Variants in JAKMIP1 observed in about 807,000 individuals in gnomAD.
JAKMIP1 encodes janus kinase and microtubule-interacting protein 1.
Under a neutral mutation model 113.0 loss-of-function variants are expected in JAKMIP1, and 33 were observed. The observed-to-expected ratio is 0.29, with a 90% CI of 0.22 to 0.39. The LOEUF (loss-of-function observed/expected upper bound fraction) is 0.39. JAKMIP1 is among the 10% of genes least tolerant of loss of function. JAKMIP1 has a pLI of 1.00. For missense variants in JAKMIP1, 813 were observed against 1,080.5 expected, an observed-to-expected ratio of 0.75 and a Z score of 3.47; for synonymous variants, 480 against 459.9, an observed-to-expected ratio of 1.04 and a Z score of -0.56.
chr4:6,033,786 T>G (rs532586517), intron 19 of JAKMIP1, among the ~76,000 whole-genome samples: 1 of 152,282 alleles, frequency 6.6e-6, no homozygotes, highest in South Asian at 2.1e-4. Flanking sequence ...GAATTCCTTC[T>G]CTTTGGGAAA....
rs1340720972 is a variant in JAKMIP1, at chr4:6,141,194, G to A, written c.-147-28197C>T. On this transcript the variant is annotated intron_variant, in intron 1 of 20. Transcript: ENST00000409021. The surrounding 1 kb of genome is among the most constrained non-coding windows in gnomAD (Gnocchi z 9.4). Reference sequence around the variant, plus strand: ...CTCATGCCTGTAATCCCAACACTTTGGGATGCTGAGGCAGGCAGATCACTT... The same window carrying A: ...CTCATGCCTGTAATCCCAACACTTTAGGATGCTGAGGCAGGCAGATCACTT... Among the ~76,000 whole-genome samples, 1 of 152,192 alleles carries A rather than the reference G, an allele frequency of 6.6e-6. No individual in the cohort carries two copies. The highest frequency in any genetic ancestry group is 2.1e-4 in the South Asian group (1 of 4,828).
At chr4:6,198,953 G>A (rs1042594625) in intron 1 of JAKMIP1, among the ~76,000 whole-genome samples, 11 of 152,210 alleles carry the variant, frequency 7.2e-5, no homozygotes, top group African/African-American at 2.7e-4. Flanking sequence ...CCTGGGAGAG[G>A]GGCTGAGGCT....
chr4:6,110,854 G>A (rs920732401), intron 2 of JAKMIP1, among the ~76,000 whole-genome samples: 1 of 150,940 alleles, frequency 6.6e-6, no homozygotes, highest in Non-Finnish European at 1.5e-5. Context: ...AGCTGCTGTA[G>A]CTATGTCCAG....
chr4:6,039,135 T>C (rs1254611464), intron 18 of JAKMIP1, among the ~76,000 whole-genome samples: 1 of 152,184 alleles, frequency 6.6e-6, no homozygotes, highest in Non-Finnish European at 1.5e-5. Flanking sequence ...GTAGCTTCTG[T>C]ATGGTGGCAG....
intron 3 of JAKMIP1, among the ~76,000 whole-genome samples, chr4:6,101,644 T>C (rs1048410796): frequency 6.7e-6 from 1 of 150,050 alleles, no homozygotes; most frequent in Non-Finnish European, 1.5e-5. Context: ...CCTAGCACTT[T>C]GGGAGGCCAA....
intron 1 of JAKMIP1, among the ~76,000 whole-genome samples, chr4:6,196,829 C>G (rs1226250399): frequency 6.7e-6 from 1 of 150,048 alleles, no homozygotes; most frequent in Non-Finnish European, 1.5e-5. Flanking sequence ...CCATTGCACT[C>G]CAGCCTGGGC....
At position 6,156,834 on chromosome 4, in the gene JAKMIP1, A is replaced by G. The variant is rs1178236203; in HGVS notation, c.-148+43419T>C. ...CCTGGCACATGGACATGGTCTGCCCATGATAGGTGTTGGTCACGTTACAAT... is the reference window on the plus strand; with the variant it reads ...CCTGGCACATGGACATGGTCTGCCCGTGATAGGTGTTGGTCACGTTACAAT... On this transcript the variant is annotated intron_variant, in intron 1 of 20. Transcript: ENST00000409021. The surrounding 1 kb of genome is among the most constrained non-coding windows in gnomAD (Gnocchi z 5.0). Among the ~76,000 whole-genome samples, 1 of 152,228 alleles carries G rather than the reference A, an allele frequency of 6.6e-6. No individual in the cohort carries two copies. The highest frequency in any genetic ancestry group is 1.5e-5 in the Non-Finnish European group (1 of 68,034).
intron 3 of JAKMIP1, 68 bp downstream of exon 3, chr4:6,105,405 G>T (rs1032271817): frequency 1.4e-6 from 2 of 1,445,708 alleles, no homozygotes; most frequent in Non-Finnish European, 9.3e-7. Context: ...TCGGAGCTCC[G>T]CATTTCCCCC....
At position 6,188,300 on chromosome 4, in the gene JAKMIP1, G is replaced by T. The variant is rs1726864729; in HGVS notation, c.-148+11953C>A. Among the ~76,000 whole-genome samples, 1 of 152,196 alleles carries T rather than the reference G, an allele frequency of 6.6e-6. No individual in the cohort carries two copies. Among genetic ancestry groups the T allele is most frequent in the Non-Finnish European group, 1.5e-5 (1 of 68,040 alleles). ...ACTGGAAGTGTGGAGACAGCTCATT[G>T]CTTCAGACTAAGGTGGGGAGGGATG... On this transcript the variant is annotated intron_variant, in intron 1 of 20. Transcript: ENST00000409021. This position sits in a 1 kb window ranked among gnomAD's most constrained non-coding sequence, Gnocchi z 5.8.
rs952920003 is a variant in JAKMIP1, at chr4:6,042,249, A to T, written c.2029-22T>A. ...GCCACTAGAAAACAGCAGGGACAGG[A>T]CGGGTGCAGCAAAGTGAGAGTCAGA... On this transcript the variant is annotated intron_variant, in intron 16 of 20. Coordinates refer to ENST00000409021, the MANE Select transcript of JAKMIP1 (RefSeq NM_001099433.2). This position sits in a 1 kb window ranked among gnomAD's most constrained non-coding sequence, Gnocchi z 5.2. The T allele has an allele frequency of 6.2e-7, 1 of 1,606,330 alleles. No individual in the cohort carries two copies. The highest frequency in any genetic ancestry group is 8.5e-7 in the Non-Finnish European group (1 of 1,173,316).
chr4:6,043,430 C>G (rs6811991), intron 16 of JAKMIP1, among the ~76,000 whole-genome samples: 11,762 of 152,030 alleles, frequency 0.077, 1,364 homozygotes, highest in African/African-American at 0.25. Flanking sequence ...GCCTTCTCCA[C>G]CTTACTCTGC....
Position 6,156,869 on chromosome 4 carries a change from G to A in JAKMIP1, c.-148+43384C>T, listed in dbSNP as rs75671371. Among the ~76,000 whole-genome samples the A allele has an allele frequency of 9.8e-4, 149 of 152,256 alleles. No individual in the cohort carries two copies. The highest frequency in any genetic ancestry group is 3.5e-3 in the African/African-American group (144 of 41,548). ...TTGGTCACGTTACAATTGTTCAGTA[G>A]ACCCACACCCCATTGGCCAACAGCC... On this transcript the variant is annotated intron_variant, in intron 1 of 20. Transcript: ENST00000409021. This position sits in a 1 kb window ranked among gnomAD's most constrained non-coding sequence, Gnocchi z 5.0.
chr4:6,115,238 C>T (rs1352293885), intron 1 of JAKMIP1, among the ~76,000 whole-genome samples: 1 of 151,986 alleles, frequency 6.6e-6, no homozygotes, highest in Non-Finnish European at 1.5e-5. Flanking sequence ...ATGAAACTGC[C>T]TCTCTACTTA....
chr4:6,126,753 C>A (rs978194877), intron 1 of JAKMIP1, among the ~76,000 whole-genome samples: 8 of 151,340 alleles, frequency 5.3e-5, no homozygotes, highest in African/African-American at 1.9e-4. Context: ...GGCAGAAACA[C>A]ACAACACATG....
rs1260184608 is a variant in JAKMIP1, at chr4:6,189,349, C to A, written c.-148+10904G>T. Among the ~76,000 whole-genome samples, 4 of 152,208 alleles carry A rather than the reference C, an allele frequency of 2.6e-5. No homozygotes were observed. In the East Asian group the frequency reaches 7.7e-4, roughly 29 times the overall value. On this transcript the variant is annotated intron_variant, in intron 1 of 20. Coordinates refer to ENST00000409021, the MANE Select transcript of JAKMIP1 (RefSeq NM_001099433.2). ...CTCATCTCTGGACTGATACAACAAT[C>A]AGGGGTATTCCCACCCCAAGCATTA...
rs1352912149 is a variant in JAKMIP1 at position 6,184,672 on chromosome 4, G to A, written c.-148+15581C>T. Among the ~76,000 whole-genome samples the A allele has an allele frequency of 1.3e-5, 2 of 152,214 alleles. No homozygotes were observed. Among genetic ancestry groups the A allele is most frequent in the African/African-American group, 4.8e-5 (2 of 41,452 alleles). On this transcript the variant is annotated intron_variant, in intron 1 of 20. Transcript: ENST00000409021. This position sits in a 1 kb window ranked among gnomAD's most constrained non-coding sequence, Gnocchi z 4.5. ...GGGTGATTGTGCCTATCGAAGGGAA[G>A]CAACCAATTGTCAACTATTTTAGAA...
rs910038191 is a variant in JAKMIP1, at chr4:6,162,012, C to T, written c.-148+38241G>A. On this transcript the variant is annotated intron_variant, in intron 1 of 20. Transcript: ENST00000409021. The surrounding 1 kb of genome is among the most constrained non-coding windows in gnomAD (Gnocchi z 5.6). ...CGGTGTCTGCCTCACACCACGGGTA[C>T]ATGGTGCCTCCTTGATGGAGCCGAG... Among the ~76,000 whole-genome samples the T allele has an allele frequency of 6.6e-6, 1 of 151,754 alleles. No homozygotes were observed. The highest frequency in any genetic ancestry group is 6.6e-5 in the Admixed American group (1 of 15,260).
chr4:6,064,996 C>T lies in JAKMIP1; in HGVS notation c.1315G>A (p.Glu439Lys), dbSNP rs750777194. 6 of 1,614,036 alleles carry T rather than the reference C, an allele frequency of 3.7e-6. No individual in the cohort carries two copies. In the African/African-American group the frequency reaches 8.0e-5, roughly 22 times the overall value. The change falls in exon 9 of 21, where the codon GAG becomes AAG. Residue 439 changes from glutamate to lysine, a missense_variant. By Grantham distance (56) the Glu-to-Lys change is moderately conservative. Transcript: ENST00000409021. The surrounding 1 kb of genome is among the most constrained non-coding windows in gnomAD (Gnocchi z 4.3). ...SLKPPKKHVV[E>K]TFFGFDEESV... ...TCCTCATCAAATCCAAAAAATGTCT[C>T]CACAACATGCTTCTGTAAAACGCAA...
At position 6,065,415 on chromosome 4, in the gene JAKMIP1, A is replaced by G. The variant is rs1037538447; in HGVS notation, c.1303-407T>C. Among the ~76,000 whole-genome samples the G allele has an allele frequency of 5.1e-4, 77 of 152,246 alleles. No homozygotes were observed. The highest frequency in any genetic ancestry group is 1.9e-3 in the African/African-American group (77 of 41,460). ...CTCCGTCACGCTCCATGAGCAGCGCACTGGCTGTACCAAGGAGAAGGGGGA... is the reference window on the plus strand; with the variant it reads ...CTCCGTCACGCTCCATGAGCAGCGCGCTGGCTGTACCAAGGAGAAGGGGGA... On this transcript the variant is annotated intron_variant, in intron 8 of 20. Coordinates refer to ENST00000409021, the MANE Select transcript of JAKMIP1 (RefSeq NM_001099433.2). This position sits in a 1 kb window ranked among gnomAD's most constrained non-coding sequence, Gnocchi z 5.1.
Sources: allele counts gnomAD v4.1 joint callset (sites outside exome capture counted in the v4.1 genomes callset), GRCh38; gene constraint gnomAD v4.1.1; non-coding constraint Gnocchi (gnomAD v3.1); transcripts MANE v1.5; gene names NCBI Gene and HGNC (gene_info 2026-07-23, HGNC 2026-07-21).